The following VEGFC variants were observed in gnomAD, a reference collection of about 807,000 sequenced individuals.
VEGFC encodes vascular endothelial growth factor C.
A neutral mutation model predicts 46.1 loss-of-function variants in VEGFC; 12 were observed. The observed-to-expected ratio is 0.26, with a 90% confidence interval of 0.17 to 0.42. The LOEUF is 0.42. Ranked by LOEUF, VEGFC falls within the 10% of genes least tolerant of loss-of-function variation. VEGFC has a pLI of 1.00. For missense variants in VEGFC, 488 were observed against 529.4 expected (o/e 0.92, Z 0.77); for synonymous variants, 232 against 195.5 (o/e 1.19, Z -1.56).
intron 1 of VEGFC, among the ~76,000 whole-genome samples, chr4:176,733,984 C>A (rs1479387008): frequency 6.6e-6 from 1 of 151,644 alleles, no homozygotes; most frequent in Non-Finnish European, 1.5e-5. Flanking sequence ...TATGAAATTT[C>A]TTTTTTGTTG....
chr4:176,770,587 T>C (rs1319540889), intron 1 of VEGFC, among the ~76,000 whole-genome samples: 1 of 148,970 alleles, frequency 6.7e-6, no homozygotes, highest in Non-Finnish European at 1.5e-5. Flanking sequence ...ATACAGACTT[T>C]CCAGATAGAG....
chr4:176,725,131 G>A (rs917422796), intron 3 of VEGFC, among the ~76,000 whole-genome samples: 1 of 152,146 alleles, frequency 6.6e-6, no homozygotes, highest in Non-Finnish European at 1.5e-5. Flanking sequence ...CAATTACCCT[G>A]ATTTGATCAT....
At chr4:176,687,710 G>T in intron 5 of VEGFC, 111 bp downstream of exon 5, 1 of 1,021,316 alleles carries the variant, frequency 9.8e-7, no homozygotes, top group South Asian at 1.7e-5. Context: ...CTATTTTTTA[G>T]TCACTTATTT....
At chr4:176,684,716 G>C (rs187398950) in intron 6 of VEGFC, among the ~76,000 whole-genome samples, 1 of 152,252 alleles carries the variant, frequency 6.6e-6, no homozygotes, top group East Asian at 1.9e-4. Flanking sequence ...CTGCCCTGTT[G>C]CTCCAGTGAA....
Position 176,698,923 on chromosome 4 carries a change from C to T in VEGFC, c.705-10996G>A, listed in dbSNP as rs546620158. Among the ~76,000 whole-genome samples, 7 of 152,206 alleles carry T rather than the reference C, an allele frequency of 4.6e-5. No homozygotes were observed. In the East Asian group the frequency reaches 1.2e-3, roughly 25 times the overall value. ...ATTTCTAATTGAAAAAAATTAACTG[C>T]ACCTTGATTTATGTTAAACTACTTA... On this transcript the variant is annotated intron_variant, in intron 4 of 6. Coordinates refer to ENST00000618562, the MANE Select transcript of VEGFC (RefSeq NM_005429.5).
intron 1 of VEGFC, among the ~76,000 whole-genome samples, chr4:176,771,542 T>C (rs1445150803): frequency 6.6e-6 from 1 of 152,206 alleles, no homozygotes; most frequent in African/African-American, 2.4e-5. Flanking sequence ...ATAAATGCAC[T>C]AAATGCATTT....
intron 1 of VEGFC, among the ~76,000 whole-genome samples, chr4:176,755,830 T>C (rs1270884925): frequency 6.6e-6 from 1 of 152,076 alleles, no homozygotes; most frequent in African/African-American, 2.4e-5. Flanking sequence ...TTTAGGTTGA[T>C]GACTCATCTA....
intron 1 of VEGFC, among the ~76,000 whole-genome samples, chr4:176,746,568 C>T (rs977236630): frequency 6.6e-6 from 1 of 151,982 alleles, no homozygotes; most frequent in African/African-American, 2.4e-5. Flanking sequence ...TTTTAAAAAC[C>T]TCTTCCTCTT....
At chr4:176,777,791 C>T (rs1735838543) in intron 1 of VEGFC, among the ~76,000 whole-genome samples, 1 of 145,130 alleles carries the variant, frequency 6.9e-6, no homozygotes, top group Non-Finnish European at 1.5e-5. Flanking sequence ...TGGTGGTGGG[C>T]ACCCGTAGTC....
chr4:176,767,123 T>TTAA (rs375832911), intron 1 of VEGFC, among the ~76,000 whole-genome samples: 3 of 50,482 alleles, frequency 5.9e-5, no homozygotes, highest in Non-Finnish European at 1.0e-4. Context: ...TGTAGAAATC[T>TTAA]AAAAAAAAAA....
rs534234878 is a variant in VEGFC, at chr4:176,738,863, C to T, written c.148-9117G>A. Among the ~76,000 whole-genome samples, 10 of 151,706 alleles carry T rather than the reference C, an allele frequency of 6.6e-5. No homozygotes were observed. In the South Asian group the frequency reaches 1.9e-3, roughly 28 times the overall value. On this transcript the variant is annotated intron_variant, in intron 1 of 6. Coordinates refer to ENST00000618562, the MANE Select transcript of VEGFC (RefSeq NM_005429.5). ...ACTTAAATTTACAAGAAAAAAAAAT[C>T]CCATTAAAAAGTGGGCAAAGAACAT...
chr4:176,740,368 CT>C (rs1560951751), intron 1 of VEGFC, among the ~76,000 whole-genome samples: 1 of 113,014 alleles, frequency 8.8e-6, no homozygotes, highest in African/African-American at 3.7e-5. Context: ...TATATATATT[CT>C]ATATATAGTT....
At chr4:176,761,907 T>A (rs1735536815) in intron 1 of VEGFC, among the ~76,000 whole-genome samples, 1 of 152,040 alleles carries the variant, frequency 6.6e-6, no homozygotes, top group South Asian at 2.1e-4. Context: ...TGGAAGAAAA[T>A]CTGGCCCAAG....
At chr4:176,772,382 CT>C (rs1470423689) in intron 1 of VEGFC, among the ~76,000 whole-genome samples, 1 of 152,164 alleles carries the variant, frequency 6.6e-6, no homozygotes, top group Non-Finnish European at 1.5e-5. Context: ...GAATTTTAAT[CT>C]TTTGGACAGT....
intron 3 of VEGFC, among the ~76,000 whole-genome samples, chr4:176,726,638 A>T (rs1333983168): frequency 2.0e-5 from 3 of 152,224 alleles, no homozygotes; most frequent in African/African-American, 7.2e-5. Context: ...TGATCGTAAC[A>T]GTAAAAATTT....
chr4:176,687,804 A>G lies in VEGFC; in HGVS notation c.811+17T>C, dbSNP rs1003396979. ...TAGACCCCTGGCGTTTAGTCTTTAA[A>G]GCATCATTCTGCTTACCATCTCCAG... On this transcript the variant is annotated intron_variant, in intron 5 of 6. Transcript: ENST00000618562. The G allele has an allele frequency of 8.9e-6, 14 of 1,574,642 alleles. No homozygotes were observed. Among genetic ancestry groups the G allele is most frequent in the Middle Eastern group, 3.3e-4 (2 of 5,978 alleles).
intron 4 of VEGFC, among the ~76,000 whole-genome samples, chr4:176,695,937 T>A (rs1289108608): frequency 6.7e-6 from 1 of 149,918 alleles, no homozygotes. Flanking sequence ...TCAACAACCC[T>A]TCATGCTAAA....
At chr4:176,773,820 A>G (rs1735762508) in intron 1 of VEGFC, among the ~76,000 whole-genome samples, 2 of 152,028 alleles carry the variant, frequency 1.3e-5, no homozygotes, top group African/African-American at 4.8e-5. Flanking sequence ...GTACTTGGGT[A>G]TATGCCACCA....
chr4:176,694,375 G>A (rs1334206965), intron 4 of VEGFC, among the ~76,000 whole-genome samples: 2 of 151,978 alleles, frequency 1.3e-5, no homozygotes, highest in African/African-American at 4.8e-5. Context: ...GATCAAAAGA[G>A]ACAAAAAAGG....
Sources: allele counts gnomAD v4.1 joint callset (sites outside exome capture counted in the v4.1 genomes callset), GRCh38; gene constraint gnomAD v4.1.1; transcripts MANE v1.5; gene names NCBI Gene and HGNC (gene_info 2026-07-23, HGNC 2026-07-21).